The following CYP4F11 variants were observed in gnomAD, a reference collection of about 807,000 sequenced individuals.
CYP4F11 encodes the protein cytochrome P450 4F11.
CYP4F11 carries 79 observed loss-of-function variants against 62.2 expected under a neutral mutation model. The ratio of observed to expected loss-of-function variants is 1.27; its 90% CI spans 1.06 to 1.53. CYP4F11 has a LOEUF of 1.53. Ranked by LOEUF, CYP4F11 falls within the 40% of genes most tolerant of loss-of-function variation. The pLI, the probability that CYP4F11 is intolerant of heterozygous loss-of-function variation, is 0.00. For synonymous variants in CYP4F11, 290 were observed against 263.7 expected, an observed-to-expected ratio of 1.10 and a Z score of -0.97; for missense variants, 777 against 680.5, an observed-to-expected ratio of 1.14 and a Z score of -1.58.
At chr19:15,920,874 C>T (rs1405563508) in intron 8 of CYP4F11, among the ~76,000 whole-genome samples, 3 of 152,068 alleles carry the variant, frequency 2.0e-5, no homozygotes, top group African/African-American at 7.2e-5. Context: ...CCTCTCTATT[C>T]ATCTCTCTGT....
intron 2 of CYP4F11, among the ~76,000 whole-genome samples, chr19:15,928,904 C>G (rs2089689474): frequency 6.6e-6 from 1 of 152,210 alleles, no homozygotes; most frequent in Admixed American, 6.5e-5. Context: ...CCCAGATTCT[C>G]CACCAGCCTC....
At chr19:15,929,365 CTGCAGGGGCCACA>C in intron 2 of CYP4F11, 79 bp downstream of exon 2, 1 of 1,553,248 alleles carries the variant, frequency 6.4e-7, no homozygotes, top group Non-Finnish European at 8.9e-7. Context: ...GGCCTGGGCC[CTGCAGGGGCCACA>C]CAGAAGCTTG....
At chr19:15,931,048 G>T (rs1456440815) in intron 1 of CYP4F11, among the ~76,000 whole-genome samples, 1 of 152,202 alleles carries the variant, frequency 6.6e-6, no homozygotes, top group African/African-American at 2.4e-5. Context: ...TAAGTCGGAG[G>T]CCAAGGTCTG....
rs1568484725 is a variant in CYP4F11 at position 15,927,335 on chromosome 19, AT to A, written c.401del (p.Asp134ValfsTer5). On this transcript the variant is annotated frameshift_variant, in exon 4 of 12. Transcript: ENST00000402119. LOFTEE classifies it high-confidence loss of function. Reference sequence around the variant, plus strand: ...TGTCACCACCACTCAGCAGGAGCCCATCCCCTGGCAGGGCAACCAAGGACAG... The same window carrying A: ...TGTCACCACCACTCAGCAGGAGCCCACCCCTGGCAGGGCAACCAAGGACAG... ...FYGFLKPWLG[D>X]GLLLSGGDKW... is the part of the protein sequence containing the mutation. 8 of 1,614,008 alleles carry A rather than the reference AT, an allele frequency of 5.0e-6. No individual in the cohort carries two copies. In the East Asian group the frequency reaches 8.9e-5, roughly 18 times the overall value.
At chr19:15,916,703 C>A in intron 8 of CYP4F11, among the ~76,000 whole-genome samples, 1 of 152,054 alleles carries the variant, frequency 6.6e-6, no homozygotes, top group Middle Eastern at 3.2e-3. Context: ...CAGGGAAATA[C>A]AAATTAAAAC....
At chr19:15,915,142 A>G (rs1219155282) in intron 8 of CYP4F11, among the ~76,000 whole-genome samples, 1 of 152,240 alleles carries the variant, frequency 6.6e-6, no homozygotes, top group Non-Finnish European at 1.5e-5. Context: ...CCAGCTATTA[A>G]AAAGGTTAAC....
chr19:15,917,767 G>A (rs935501981), intron 8 of CYP4F11, among the ~76,000 whole-genome samples: 3 of 152,026 alleles, frequency 2.0e-5, no homozygotes, highest in African/African-American at 4.8e-5. Context: ...AATGTAAGAT[G>A]ATCTCTTCCA....
rs924880338 is a variant in CYP4F11 at position 15,934,457 on chromosome 19, G to C, written c.-49C>G. 4 of 1,597,996 alleles carry C rather than the reference G, an allele frequency of 2.5e-6. No homozygotes were observed. Among genetic ancestry groups the C allele is most frequent in the Non-Finnish European group, 3.4e-6 (4 of 1,174,704 alleles). On this transcript the variant is annotated 5_prime_UTR_variant, in exon 1 of 12. Transcript: ENST00000402119. ...GGTGGGATCCTGAGGCCCAGGGAAG[G>C]GCCCAGGAAGCTCCAAGGACAGTGG...
intron 1 of CYP4F11, among the ~76,000 whole-genome samples, chr19:15,931,047 G>A (rs1049533780): frequency 6.6e-6 from 1 of 152,212 alleles, no homozygotes; most frequent in South Asian, 2.1e-4. Context: ...CTAAGTCGGA[G>A]GCCAAGGTCT....
Position 15,912,778 on chromosome 19 carries a change from TATATATATATA to T in CYP4F11, c.*943_*953del, listed in dbSNP as rs1327191577. The T allele has an allele frequency of 0.016, 590 of 37,306 alleles. 50 individuals are homozygous for T. The highest frequency in any genetic ancestry group is 0.058 in the African/African-American group (542 of 9,414). The allele number at this position is 37,306 out of a possible 1,614,324, so 2.3% of individuals were successfully genotyped here. On this transcript the variant is annotated 3_prime_UTR_variant, in exon 12 of 12. Transcript: ENST00000402119. Reference sequence around the variant, plus strand: ...GTGTGTGTGTGTGTGTGTGTATATATATATATATATAATATATATATATATATACATATCTT... The same window carrying T: ...GTGTGTGTGTGTGTGTGTGTATATATATATATATATATATATACATATCTT...
upstream of CYP4F11, chr19:15,934,730 C>G (rs1178429782): frequency 3.4e-6 from 1 of 293,788 alleles, no homozygotes; most frequent in Non-Finnish European, 6.3e-6. Flanking sequence ...GCAGCCTTGA[C>G]CCACCCCAAC....
chr19:15,919,556 T>C (rs1010090747), intron 8 of CYP4F11, among the ~76,000 whole-genome samples: 2 of 151,666 alleles, frequency 1.3e-5, no homozygotes, highest in African/African-American at 2.4e-5. Context: ...AGATGACAAA[T>C]TGATGTCTCA....
chr19:15,929,590 C>G lies in CYP4F11; in HGVS notation c.210G>C (p.Thr70=). ...GGGTCAATGTCTTCATGCCCTCTTC[C>G]GTGGGAGTGACCTGAAAACAAGGCA... ...FWGHQGLVTP[T]EEGMKTLTQL... Residue 70 remains threonine (T), a synonymous_variant, in exon 2 of 12, where the codon ACG becomes ACC. Coordinates refer to ENST00000402119, the MANE Select transcript of CYP4F11 (RefSeq NM_021187.4). 1.2e-6 allele frequency: 2 copies of G among 1,600,560 alleles called. No individual in the cohort carries two copies. Among genetic ancestry groups the G allele is most frequent in the African/African-American group, 1.3e-5 (1 of 74,820 alleles).
intron 8 of CYP4F11, among the ~76,000 whole-genome samples, chr19:15,920,986 T>C (rs1311432558): frequency 6.7e-6 from 1 of 149,030 alleles, no homozygotes; most frequent in Non-Finnish European, 1.5e-5. Flanking sequence ...ACTTCTCTCT[T>C]TCCCTCTTTT....
At chr19:15,930,479 G>A (rs2089704820) in intron 1 of CYP4F11, among the ~76,000 whole-genome samples, 1 of 152,048 alleles carries the variant, frequency 6.6e-6, no homozygotes. Flanking sequence ...GTAGTCCCAG[G>A]TACTCAGGAG....
intron 6 of CYP4F11, among the ~76,000 whole-genome samples, chr19:15,922,836 CT>C (rs1348765452): frequency 6.6e-6 from 1 of 152,108 alleles, no homozygotes; most frequent in Non-Finnish European, 1.5e-5. Flanking sequence ...GGTGGGTCAC[CT>C]GAGGTCGGGA....
intron 8 of CYP4F11, among the ~76,000 whole-genome samples, chr19:15,918,374 C>G (rs2089598064): frequency 1.3e-5 from 2 of 151,884 alleles, no homozygotes; most frequent in South Asian, 2.1e-4. Context: ...ATAGGTGCAG[C>G]AAACCACTAT....
chr19:15,915,647 T>A lies in CYP4F11; in HGVS notation c.1116-752A>T, dbSNP rs188376391. 6.1e-3 allele frequency among the ~76,000 whole-genome samples: 934 copies of A among 151,988 alleles called. 14 individuals carry two copies. The highest frequency in any genetic ancestry group is 0.021 in the African/African-American group (886 of 41,504). ...ATGAGTACATCATATACTATACACA[T>A]ATTCCATATCTTTTCTCATTTAACA... On this transcript the variant is annotated intron_variant, in intron 8 of 11. Transcript: ENST00000402119.
At chr19:15,930,222 C>T (rs180703576) in intron 1 of CYP4F11, among the ~76,000 whole-genome samples, 141 of 152,238 alleles carry the variant, frequency 9.3e-4, no homozygotes, top group Middle Eastern at 6.8e-3. Flanking sequence ...CCCTGAGCAT[C>T]GTGTCTGGAT....
Sources: gnomAD v4.1 joint callset for allele counts (sites outside exome capture counted in the v4.1 genomes callset) on GRCh38, gnomAD v4.1.1 for gene constraint, MANE v1.5 for transcripts, NCBI Gene and HGNC (gene_info 2026-07-23, HGNC 2026-07-21) for gene names.